The following FBXO8 variants were observed in gnomAD, a reference collection of about 807,000 sequenced individuals.
The protein encoded by FBXO8 is F-box only protein 8.
In FBXO8, 15 loss-of-function variants were observed where a neutral mutation model predicts 33.4. That is an observed-to-expected ratio of 0.45 (90% CI 0.30 to 0.69). The LOEUF (loss-of-function observed/expected upper bound fraction) is 0.69, where lower values mean the gene tolerates loss of function less well. Among genes scored for constraint, FBXO8 ranks in the 30% least tolerant of loss-of-function variants. The pLI is 0.08. For missense variants in FBXO8, 274 were observed against 380.3 expected, an observed-to-expected ratio of 0.72 and a Z score of 2.32; for synonymous variants, 132 against 131.5, an observed-to-expected ratio of 1.00 and a Z score of -0.02.
chr4:174,237,261 T>C lies in FBXO8; in HGVS notation c.*151A>G, dbSNP rs14278. On this transcript the variant is annotated 3_prime_UTR_variant, in exon 6 of 6. Coordinates refer to ENST00000393674, the MANE Select transcript of FBXO8 (RefSeq NM_012180.3). This position sits in a 1 kb window ranked among gnomAD's most constrained non-coding sequence, Gnocchi z 4.4. Reference sequence around the variant, plus strand: ...TAGTTCCCCAAGGAAATTACTAAAATAGAAAATGGCAAAAGAAAAAAAGGT... The same window carrying C: ...TAGTTCCCCAAGGAAATTACTAAAACAGAAAATGGCAAAAGAAAAAAAGGT... 0.082 allele frequency: 48,760 copies of C among 592,822 alleles called. 2,424 individuals carry two copies. Among genetic ancestry groups the C allele is most frequent in the Non-Finnish European group, 0.1 (36,694 of 360,888 alleles). 36.7% of individuals were successfully genotyped at this position (592,822 alleles called of 1,614,324 possible). A position where few individuals can be genotyped will look rare whatever the true frequency, so the allele number is the denominator to read the frequency against.
Position 174,263,040 on chromosome 4 carries a change from C to A in FBXO8, c.53G>T (p.Gly18Val). ...VVRNQQLQQE[G>V]YSEQGYLTRE... ...GGTGAGGTAGCCTTGCTCACTGTAG[C>A]CTTCTTGTTGCAGCTGCTGGTTTCT... Residue 18 changes from glycine to valine, a missense_variant, in exon 2 of 6, where the codon GGC becomes GTC. By Grantham distance (109) the Gly-to-Val change is moderately radical. Coordinates refer to ENST00000393674, the MANE Select transcript of FBXO8 (RefSeq NM_012180.3). The surrounding 1 kb of genome is among the most constrained non-coding windows in gnomAD (Gnocchi z 4.2). 2 of 1,613,952 alleles carry A rather than the reference C, an allele frequency of 1.2e-6. No individual in the cohort carries two copies. Among genetic ancestry groups the A allele is most frequent in the Non-Finnish European group, 1.7e-6 (2 of 1,179,928 alleles).
chr4:174,238,717 G>A (rs1056991202), intron 5 of FBXO8, among the ~76,000 whole-genome samples: 5 of 145,486 alleles, frequency 3.4e-5, no homozygotes, highest in Non-Finnish European at 7.6e-5. Context: ...AAATTTGTAG[G>A]TAATATATAA....
intron 3 of FBXO8, among the ~76,000 whole-genome samples, chr4:174,248,148 A>G (rs554429029): frequency 6.6e-6 from 1 of 152,148 alleles, no homozygotes; most frequent in East Asian, 1.9e-4. Context: ...CTTTCTACCC[A>G]CTAAATTTTG....
At chr4:174,248,107 G>T (rs1245176654) in intron 3 of FBXO8, among the ~76,000 whole-genome samples, 2 of 152,000 alleles carry the variant, frequency 1.3e-5, no homozygotes. Context: ...TTAAGACTAG[G>T]TGTCTATGTT....
chr4:174,273,323 TAAAAAAAAAAAAAAGAAAA>T (rs1301444446), intron 1 of FBXO8, among the ~76,000 whole-genome samples: 1 of 109,492 alleles, frequency 9.1e-6, no homozygotes, highest in Non-Finnish European at 1.9e-5. Flanking sequence ...TCATAAAAGT[TAAAAAAAAAAAAAAGAAAA>T]GAAAAGAAAA....
At chr4:174,280,803 T>C (rs1737066952) in intron 1 of FBXO8, among the ~76,000 whole-genome samples, 1 of 152,168 alleles carries the variant, frequency 6.6e-6, no homozygotes, top group Admixed American at 6.5e-5. Flanking sequence ...TCCAGTAATA[T>C]GAATACAAAC....
At chr4:174,269,119 ATTCT>A (rs1736771613) in intron 1 of FBXO8, 1 of 152,200 alleles carries the variant, frequency 6.6e-6, no homozygotes. Flanking sequence ...GATCTATAGA[ATTCT>A]TTCTAAGGAG....
intron 1 of FBXO8, among the ~76,000 whole-genome samples, chr4:174,276,174 A>G (rs1736956159): frequency 6.6e-6 from 1 of 152,194 alleles, no homozygotes; most frequent in African/African-American, 2.4e-5. Context: ...TTTCCATTAA[A>G]ATAACAATAG....
intron 1 of FBXO8, among the ~76,000 whole-genome samples, chr4:174,282,050 T>C (rs1737107088): frequency 6.6e-6 from 1 of 152,182 alleles, no homozygotes; most frequent in African/African-American, 2.4e-5. Context: ...GGTTAAATAA[T>C]AAACCATAAA....
At position 174,237,310 on chromosome 4, in the gene FBXO8, A is replaced by G; in HGVS notation, c.*102T>C. ...GTTGCACACTGAAGCTTGATTGTATACTCAGGCTACAATGACCAGCACTGA... is the reference window on the plus strand; with the variant it reads ...GTTGCACACTGAAGCTTGATTGTATGCTCAGGCTACAATGACCAGCACTGA... On this transcript the variant is annotated 3_prime_UTR_variant, in exon 6 of 6. Coordinates refer to ENST00000393674, the MANE Select transcript of FBXO8 (RefSeq NM_012180.3). The surrounding 1 kb of genome is among the most constrained non-coding windows in gnomAD (Gnocchi z 4.4). 1.1e-6 allele frequency: 1 copy of G among 905,572 alleles called. No homozygotes were observed. Among genetic ancestry groups the G allele is most frequent in the Admixed American group, 2.4e-5 (1 of 41,448 alleles). 56.1% of individuals were successfully genotyped at this position (905,572 alleles called of 1,614,324 possible). A position where few individuals can be genotyped will look rare whatever the true frequency, so the allele number is the denominator to read the frequency against.
rs1231291255 is a variant in FBXO8 at position 174,237,894 on chromosome 4, A to G, written c.773-295T>C. ...ACTTTAGAACAGTTTAGGAGTGTATAGTAAAAATTCATTCTAGATTTAAAA... is the reference window on the plus strand; with the variant it reads ...ACTTTAGAACAGTTTAGGAGTGTATGGTAAAAATTCATTCTAGATTTAAAA... On this transcript the variant is annotated intron_variant, in intron 5 of 5. Coordinates refer to ENST00000393674, the MANE Select transcript of FBXO8 (RefSeq NM_012180.3). This position sits in a 1 kb window ranked among gnomAD's most constrained non-coding sequence, Gnocchi z 4.4. Among the ~76,000 whole-genome samples the G allele has an allele frequency of 6.6e-6, 1 of 152,094 alleles. No individual in the cohort carries two copies. The highest frequency in any genetic ancestry group is 1.5e-5 in the Non-Finnish European group (1 of 67,936).
In FBXO8 at chr4:174,253,148, G is replaced by A. The variant is rs1006856107; in HGVS notation, c.456+6551C>T. Among the ~76,000 whole-genome samples, 1 of 152,104 alleles carries A rather than the reference G, an allele frequency of 6.6e-6. No individual in the cohort carries two copies. Among genetic ancestry groups the A allele is most frequent in the African/African-American group, 2.4e-5 (1 of 41,426 alleles). ...ATGAGCCAGCCACACAACTGGTTGA[G>A]GTGCTTTCCCTAGTGAGGAGTCTAA... On this transcript the variant is annotated intron_variant, in intron 3 of 5. Coordinates refer to ENST00000393674, the MANE Select transcript of FBXO8 (RefSeq NM_012180.3). This position sits in a 1 kb window ranked among gnomAD's most constrained non-coding sequence, Gnocchi z 4.5.
Position 174,262,906 on chromosome 4 carries a change from T to C in FBXO8, c.187A>G (p.Lys63Glu), listed in dbSNP as rs1334259833. The change falls in exon 2 of 6, where the codon AAA becomes GAA. Residue 63 changes from lysine to glutamate, a missense_variant. Physicochemically the swap from Lys to Glu is moderately conservative, Grantham distance 56. This residue lies in a region of FBXO8 where 88 missense variants were observed against 86.9 expected (regional missense o/e 1.01). Transcript: ENST00000393674. This position sits in a 1 kb window ranked among gnomAD's most constrained non-coding sequence, Gnocchi z 4.6. ...IYHLLKARKSKEQEGFINLEM... is the reference protein window; with the variant it reads ...IYHLLKARKSEEQEGFINLEM... ...AAATTAATGAATCCTTCCTGTTCTT[T>C]CGATTTCCTTGCCTTCAAAAGATGA... is the stretch of plus-strand genomic sequence containing the variant. 6.2e-7 allele frequency: 1 copy of C among 1,614,094 alleles called. No individual in the cohort carries two copies. The highest frequency in any genetic ancestry group is 8.5e-7 in the Non-Finnish European group (1 of 1,179,948).
intron 3 of FBXO8, among the ~76,000 whole-genome samples, chr4:174,246,723 G>A (rs750499662): frequency 6.6e-6 from 1 of 151,974 alleles, no homozygotes; most frequent in African/African-American, 2.4e-5. Context: ...AGAGAGCAGG[G>A]GAAAGGTCTG....
In FBXO8 at chr4:174,259,116, G is replaced by A. The variant is rs1241301203; in HGVS notation, c.456+583C>T. Among the ~76,000 whole-genome samples the A allele has an allele frequency of 2.6e-5, 4 of 151,656 alleles. No individual in the cohort carries two copies. The highest frequency in any genetic ancestry group is 5.9e-5 in the Non-Finnish European group (4 of 67,826). On this transcript the variant is annotated intron_variant, in intron 3 of 5. Transcript: ENST00000393674. This position sits in a 1 kb window ranked among gnomAD's most constrained non-coding sequence, Gnocchi z 4.3. ...GAAAAAAAAAATCAGTGAAAAAGTT[G>A]TTTTCACATTTTGATCATGCTTACA...
rs760564749 is a variant in FBXO8, at chr4:174,237,647, A to G, written c.773-48T>C. ...CAAATTATTAGTTGGTTTACAAAAT[A>G]TGATTCCAATGGCATTATATAAGGC... On this transcript the variant is annotated intron_variant, in intron 5 of 5. Transcript: ENST00000393674. This position sits in a 1 kb window ranked among gnomAD's most constrained non-coding sequence, Gnocchi z 4.4. 4.7e-6 allele frequency: 7 copies of G among 1,477,812 alleles called. No individual in the cohort carries two copies. The African/African-American group carries it at 8.4e-5, about 18-fold the overall frequency. 91.5% of individuals were successfully genotyped at this position (1,477,812 alleles called of 1,614,324 possible). A position where few individuals can be genotyped will look rare whatever the true frequency, so the allele number is the denominator to read the frequency against.
rs773746502 is a variant in FBXO8 at position 174,275,437 on chromosome 4, C to G, written c.-9+7973G>C. Among the ~76,000 whole-genome samples the G allele has an allele frequency of 3.9e-5, 6 of 152,008 alleles. No individual in the cohort carries two copies. Among genetic ancestry groups the G allele is most frequent in the Non-Finnish European group, 7.4e-5 (5 of 67,998 alleles). On this transcript the variant is annotated intron_variant, in intron 1 of 5. Coordinates refer to ENST00000393674, the MANE Select transcript of FBXO8 (RefSeq NM_012180.3). The surrounding 1 kb of genome is among the most constrained non-coding windows in gnomAD (Gnocchi z 4.4). ...TTGATAGTATATTATAGTTACAAAACTATTACCAATCAGAGAAACTAGGTA... is the reference window on the plus strand; with the variant it reads ...TTGATAGTATATTATAGTTACAAAAGTATTACCAATCAGAGAAACTAGGTA...
At position 174,247,636 on chromosome 4, in the gene FBXO8, T is replaced by C. The variant is rs977866259; in HGVS notation, c.457-6418A>G. ...TAACCACAGTGAAACTAACTGAATA[T>C]ATTATTTTTCAAGTATACATTTGAG... On this transcript the variant is annotated intron_variant, in intron 3 of 5. Transcript: ENST00000393674. This position sits in a 1 kb window ranked among gnomAD's most constrained non-coding sequence, Gnocchi z 4.6. Among the ~76,000 whole-genome samples, 4 of 152,092 alleles carry C rather than the reference T, an allele frequency of 2.6e-5. No individual in the cohort carries two copies. The highest frequency in any genetic ancestry group is 5.9e-5 in the Non-Finnish European group (4 of 67,990).
rs1405595528 is a variant in FBXO8, at chr4:174,281,789, AC to A, written c.-9+1620del. On this transcript the variant is annotated intron_variant, in intron 1 of 5. Coordinates refer to ENST00000393674, the MANE Select transcript of FBXO8 (RefSeq NM_012180.3). The surrounding 1 kb of genome is among the most constrained non-coding windows in gnomAD (Gnocchi z 4.6). Reference sequence around the variant, plus strand: ...CTAAGTCAAGAAATTTGTCAGAAAAACAAAACAATGAGAGCAAAACGAAAAA... The same window carrying A: ...CTAAGTCAAGAAATTTGTCAGAAAAAAAAACAATGAGAGCAAAACGAAAAA... Among the ~76,000 whole-genome samples, 1 of 152,246 alleles carries A rather than the reference AC, an allele frequency of 6.6e-6. No homozygotes were observed. The highest frequency in any genetic ancestry group is 1.5e-5 in the Non-Finnish European group (1 of 68,038).
Sources: allele counts gnomAD v4.1 joint callset (sites outside exome capture counted in the v4.1 genomes callset), GRCh38; gene constraint gnomAD v4.1.1; regional missense constraint gnomAD v4.1.1; non-coding constraint Gnocchi (gnomAD v3.1); transcripts MANE v1.5; gene names NCBI Gene and HGNC (gene_info 2026-07-23, HGNC 2026-07-21).